The following IKZF2 variants were observed in gnomAD, a reference collection of about 807,000 sequenced individuals.
IKZF2 encodes zinc finger protein Helios.
IKZF2 carries 15 observed loss-of-function variants against 49.2 expected under a neutral mutation model. That is an observed-to-expected ratio of 0.30 (90% confidence interval 0.20 to 0.47). The LOEUF (loss-of-function observed/expected upper bound fraction) is 0.47, where lower values mean the gene tolerates loss of function less well. Among genes scored for constraint, IKZF2 ranks in the 20% least tolerant of loss-of-function variants. The probability of loss-of-function intolerance (pLI) is 1.00; values close to 1 mark genes in which losing one functional copy is unlikely to be tolerated. For missense variants in IKZF2, 567 were observed against 664.6 expected (o/e 0.85, Z 1.61); for synonymous variants, 227 against 221.4 (o/e 1.03, Z -0.23).
chr2:213,026,975 A>T (rs570899915), intron 6 of IKZF2, among the ~76,000 whole-genome samples: 1 of 151,946 alleles, frequency 6.6e-6, no homozygotes, highest in Non-Finnish European at 1.5e-5. Context: ...ATATGCCCAT[A>T]AAAAAAATCA....
chr2:213,129,091 G>T (rs1407125620), intron 4 of IKZF2, among the ~76,000 whole-genome samples: 1 of 151,804 alleles, frequency 6.6e-6, no homozygotes, highest in African/African-American at 2.4e-5. Context: ...CACACACAGA[G>T]AATTCTATTT....
intron 8 of IKZF2, among the ~76,000 whole-genome samples, chr2:213,008,913 T>A (rs1405238935): frequency 1.3e-5 from 2 of 152,082 alleles, no homozygotes; most frequent in Non-Finnish European, 2.9e-5. Flanking sequence ...GGAGATTTTT[T>A]AAAAGTCATT....
intron 4 of IKZF2, among the ~76,000 whole-genome samples, chr2:213,076,121 A>ATT (rs11390903): frequency 6.6e-6 from 1 of 151,774 alleles, no homozygotes; most frequent in African/African-American, 2.4e-5. Flanking sequence ...ACTAAACAGG[A>ATT]TTTTTTTTAA....
At chr2:213,112,136 G>A (rs574224856) in intron 4 of IKZF2, among the ~76,000 whole-genome samples, 2 of 152,126 alleles carry the variant, frequency 1.3e-5, no homozygotes, top group East Asian at 3.9e-4. Flanking sequence ...GTTAAGAACT[G>A]TGAGACTAAC....
chr2:213,090,857 C>A (rs1278013880), intron 4 of IKZF2, among the ~76,000 whole-genome samples: 1 of 152,150 alleles, frequency 6.6e-6, no homozygotes, highest in Non-Finnish European at 1.5e-5. Flanking sequence ...GAAACCAATA[C>A]TGCTTACACC....
intron 8 of IKZF2, among the ~76,000 whole-genome samples, chr2:213,009,741 G>C (rs141522145): frequency 1.3e-5 from 2 of 152,140 alleles, no homozygotes; most frequent in African/African-American, 4.8e-5. Context: ...GTGTGATGGG[G>C]TCAAATAAGA....
chr2:213,124,245 C>T (rs565651953), intron 4 of IKZF2, among the ~76,000 whole-genome samples: 28,987 of 110,168 alleles, frequency 0.26, 4,185 homozygotes, highest in Non-Finnish European at 0.34. Context: ...TGCGCTCGCG[C>T]GCGCGCGCAC....
At chr2:213,127,005 G>A (rs1389305519) in intron 4 of IKZF2, among the ~76,000 whole-genome samples, 9 of 152,142 alleles carry the variant, frequency 5.9e-5, no homozygotes, top group Admixed American at 5.9e-4. Flanking sequence ...TATCTGCCGG[G>A]AAATGACCAA....
At chr2:213,041,223 G>A (rs968590388) in intron 6 of IKZF2, among the ~76,000 whole-genome samples, 5 of 151,630 alleles carry the variant, frequency 3.3e-5, no homozygotes, top group Admixed American at 1.3e-4. Flanking sequence ...AGAGTTTCAA[G>A]TATAGACTAA....
chr2:213,046,508 T>C (rs1238783530), intron 6 of IKZF2, among the ~76,000 whole-genome samples: 9 of 152,152 alleles, frequency 5.9e-5, no homozygotes. Context: ...ACAGGTCCAC[T>C]TAAGGGAGAG....
upstream of IKZF2, chr2:213,152,438 C>T (rs1266098618): frequency 6.6e-6 from 1 of 152,276 alleles, no homozygotes; most frequent in African/African-American, 2.4e-5. Flanking sequence ...TGAGATGAAG[C>T]TCAACTATTA....
intron 7 of IKZF2, chr2:213,015,408 T>C (rs1419459483): frequency 6.6e-6 from 1 of 152,060 alleles, no homozygotes; most frequent in Non-Finnish European, 1.5e-5. Context: ...ATATCATTAA[T>C]GATGTTATCA....
At chr2:213,126,441 T>A (rs1472954744) in intron 4 of IKZF2, among the ~76,000 whole-genome samples, 1 of 152,172 alleles carries the variant, frequency 6.6e-6, no homozygotes, top group African/African-American at 2.4e-5. Context: ...GAGTTGTTTT[T>A]TATGAGATTA....
At chr2:213,102,322 T>C (rs145523700) in intron 4 of IKZF2, among the ~76,000 whole-genome samples, 1 of 152,178 alleles carries the variant, frequency 6.6e-6, no homozygotes, top group Admixed American at 6.6e-5. Context: ...GCAAAGGTAA[T>C]AAGCTCTTGA....
At chr2:213,123,544 A>G (rs985649004) in intron 4 of IKZF2, among the ~76,000 whole-genome samples, 7 of 152,248 alleles carry the variant, frequency 4.6e-5, no homozygotes, top group African/African-American at 1.7e-4. Flanking sequence ...TGGCACATGT[A>G]AACATATGTA....
chr2:213,119,219 A>G (rs919955497), intron 4 of IKZF2, among the ~76,000 whole-genome samples: 5 of 152,170 alleles, frequency 3.3e-5, no homozygotes, highest in African/African-American at 9.7e-5. Flanking sequence ...AAGTGCTAAG[A>G]AAGAAAAAAA....
chr2:213,029,871 A>G (rs1216113678), intron 6 of IKZF2, among the ~76,000 whole-genome samples: 1 of 152,028 alleles, frequency 6.6e-6, no homozygotes, highest in Non-Finnish European at 1.5e-5. Flanking sequence ...ATGAACCAAG[A>G]AAGTTTGGGA....
At chr2:213,020,084 T>C (rs748502277) in intron 7 of IKZF2, among the ~76,000 whole-genome samples, 1 of 152,134 alleles carries the variant, frequency 6.6e-6, no homozygotes, top group Non-Finnish European at 1.5e-5. Context: ...CGCCATCAAA[T>C]GTCAGAACTG....
intron 6 of IKZF2, among the ~76,000 whole-genome samples, chr2:213,049,462 C>G (rs570370678): frequency 2.6e-5 from 4 of 152,040 alleles, no homozygotes; most frequent in Admixed American, 6.6e-5. Context: ...TATATAACAG[C>G]TGTTTTCTTA....
Sources: allele counts gnomAD v4.1 joint callset (sites outside exome capture counted in the v4.1 genomes callset), GRCh38; gene constraint gnomAD v4.1.1; transcripts MANE v1.5; gene names NCBI Gene and HGNC (gene_info 2026-07-23, HGNC 2026-07-21).